The following NOS1 variants were observed in gnomAD, a reference collection of about 807,000 sequenced individuals.
NOS1 encodes the protein NOS type I.
In NOS1, 51 loss-of-function variants were observed where a neutral mutation model predicts 164.5. That is an observed-to-expected ratio of 0.31 (90% CI 0.25 to 0.39). The LOEUF is 0.39. Ranked by LOEUF, NOS1 falls within the 10% of genes least tolerant of loss-of-function variation. The pLI is 1.00. For synonymous variants in NOS1, 719 were observed against 745.8 expected (o/e 0.96, Z 0.59); for missense variants, 1,362 against 1,885.6 (o/e 0.72, Z 5.14).
At chr12:117,258,962 C>T in intron 15 of NOS1, 64 bp downstream of exon 15, 2 of 1,169,172 alleles carry the variant, frequency 1.7e-6, no homozygotes, top group Non-Finnish European at 1.3e-6. Flanking sequence ...AGAGTCTCAA[C>T]CTTGGCCCCT....
intron 3 of NOS1, 27 bp from the exon 4 acceptor site, chr12:117,290,453 T>C: frequency 3.8e-6 from 6 of 1,599,892 alleles, no homozygotes; most frequent in Non-Finnish European, 5.1e-6. Flanking sequence ...AGGTGGAAGA[T>C]GAGGCAGGGC....
At chr12:117,245,724 C>T (rs1870566477) in intron 18 of NOS1, 1 of 152,142 alleles carries the variant, frequency 6.6e-6, no homozygotes, top group Non-Finnish European at 1.5e-5. Context: ...TCATGACCAG[C>T]CTGGGCAACA....
rs559659536 is a variant in NOS1 at position 117,243,581 on chromosome 12, C to CCATT, written c.2824-147_2824-146insAATG. The stretch of plus-strand genomic sequence containing the variant: ...TCCATCCATCCATCCATCCATCCAT[C>CCATT]CATCCATCCAGTAACCCTTCCCTCC... On this transcript the variant is annotated intron_variant, in intron 18 of 28. Coordinates refer to ENST00000317775, the MANE Select transcript of NOS1 (RefSeq NM_000620.5). This position sits in a 1 kb window ranked among gnomAD's most constrained non-coding sequence, Gnocchi z 4.3. 56 of 895,804 alleles carry CCATT rather than the reference C, an allele frequency of 6.3e-5. No individual in the cohort carries two copies. The African/African-American group carries it at 8.5e-4, about 14-fold the overall frequency. 55.5% of individuals were successfully genotyped at this position (895,804 alleles called of 1,614,324 possible). A position where few individuals can be genotyped will look rare whatever the true frequency, so the allele number is the denominator to read the frequency against.
chr12:117,263,844 G>A, intron 13 of NOS1, 45 bp downstream of exon 13: 1 of 1,452,636 alleles, frequency 6.9e-7, no homozygotes, highest in South Asian at 1.1e-5. Flanking sequence ...GGTTCTCTGA[G>A]TTTGTGGGGA....
chr12:117,307,209 C>T (rs567184547), intron 3 of NOS1, among the ~76,000 whole-genome samples: 34 of 141,590 alleles, frequency 2.4e-4, no homozygotes, highest in African/African-American at 7.8e-4. Flanking sequence ...TACTGCAGAC[C>T]GGGAATTACA....
chr12:117,323,282 A>G (rs1383858703), intron 2 of NOS1, among the ~76,000 whole-genome samples: 3 of 152,246 alleles, frequency 2.0e-5, no homozygotes, highest in Non-Finnish European at 2.9e-5. Flanking sequence ...GGTGACCTGC[A>G]TTCGCTACAA....
intron 2 of NOS1, among the ~76,000 whole-genome samples, chr12:117,320,611 G>A (rs1874869208): frequency 6.6e-6 from 1 of 152,178 alleles, no homozygotes; most frequent in African/African-American, 2.4e-5. Context: ...GGGGTGATTT[G>A]TTATGCAGCC....
intron 13 of NOS1, among the ~76,000 whole-genome samples, chr12:117,261,387 AT>A (rs1244753767): frequency 1.3e-5 from 2 of 152,060 alleles, no homozygotes; most frequent in Non-Finnish European, 2.9e-5. Context: ...ATGTGTCAGT[AT>A]TGTTATAGGA....
chr12:117,272,438 T>C lies in NOS1; in HGVS notation c.1786A>G (p.Thr596Ala). Residue 596 changes from threonine (T) to alanine (A), a missense_variant, in exon 10 of 29, where the codon ACA (threonine) becomes GCA (alanine). Coordinates refer to ENST00000317775, the MANE Select transcript of NOS1 (RefSeq NM_000620.5). This position sits in a 1 kb window ranked among gnomAD's most constrained non-coding sequence, Gnocchi z 4.3. ...CAGTAGTCGCGGACACCAATCTCTGTGCCCATGTACCAGCCACTGAAGGGA... is the reference window on the plus strand; with the variant it reads ...CAGTAGTCGCGGACACCAATCTCTGCGCCCATGTACCAGCCACTGAAGGGA... ...ACPFSGWYMG[T>A]EIGVRDYCDN... 6.2e-7 allele frequency: 1 copy of C among 1,614,102 alleles called. No individual in the cohort carries two copies. The highest frequency in any genetic ancestry group is 8.5e-7 in the Non-Finnish European group (1 of 1,180,014).
In NOS1 at chr12:117,234,710, C is replaced by A. The variant is rs771734648; in HGVS notation, c.3090G>T (p.Leu1030=). The A allele has an allele frequency of 2.4e-5, 39 of 1,613,728 alleles. 1 individual carries two copies. Among genetic ancestry groups the A allele is most frequent in the Middle Eastern group, 1.6e-4 (1 of 6,078 alleles). Residue 1030 remains leucine, a synonymous_variant, in exon 21 of 29, where the codon CTG becomes CTT. Coordinates refer to ENST00000317775, the MANE Select transcript of NOS1 (RefSeq NM_000620.5). The surrounding 1 kb of genome is among the most constrained non-coding windows in gnomAD (Gnocchi z 4.3). ...CCAGGTGGTCCCCAGGCTGGTACTG[C>A]AGCTCCTGGCTCCCGTTGGTGTGGA... ...VRLHTNGSQE[L]QYQPGDHLGV...
intron 17 of NOS1, among the ~76,000 whole-genome samples, chr12:117,248,482 T>G (rs1239820694): frequency 6.6e-6 from 1 of 151,860 alleles, no homozygotes. Context: ...TTACTGAGAA[T>G]GATGATTTCC....
At chr12:117,302,822 T>C (rs1873916373) in intron 3 of NOS1, among the ~76,000 whole-genome samples, 1 of 151,738 alleles carries the variant, frequency 6.6e-6, no homozygotes, top group Admixed American at 6.6e-5. Flanking sequence ...CTCAGCTCAA[T>C]GCAACCTCCG....
chr12:117,215,348 C>T, intron 28 of NOS1, 24 bp from the exon 29 acceptor site: 1 of 1,519,702 alleles, frequency 6.6e-7, no homozygotes, highest in Non-Finnish European at 8.8e-7. Context: ...AGTTGGGGGG[C>T]AGTTAGTGCC....
chr12:117,253,449 G>A (rs1871232942), intron 17 of NOS1, among the ~76,000 whole-genome samples, 189 bp downstream of exon 17: 1 of 152,082 alleles, frequency 6.6e-6, no homozygotes, highest in African/African-American at 2.4e-5. Context: ...ATAAAAAATG[G>A]TGCACGGGGA....
intron 20 of NOS1, among the ~76,000 whole-genome samples, chr12:117,242,213 A>G (rs1042961660): frequency 3.9e-5 from 6 of 152,220 alleles, no homozygotes; most frequent in African/African-American, 1.4e-4. Context: ...TGAACCTCCC[A>G]TCAACCCAAA....
chr12:117,344,337 T>C (rs1340836812), intron 1 of NOS1, among the ~76,000 whole-genome samples: 1 of 152,256 alleles, frequency 6.6e-6, no homozygotes, highest in Non-Finnish European at 1.5e-5. Context: ...ACTTATTAGG[T>C]TGAAATATAT....
chr12:117,272,541 G>T lies in NOS1; in HGVS notation c.1683C>A (p.Asp561Glu). 2 of 1,614,036 alleles carry T rather than the reference G, an allele frequency of 1.2e-6. No homozygotes were observed. Among genetic ancestry groups the T allele is most frequent in the Non-Finnish European group, 1.7e-6 (2 of 1,179,978 alleles). ...GGAGGCCGTACCACTTCAGCCCCAG[G>T]TCCTTGAACCACTCAAACCTGCAGG... ...IRHPKFEWFK[D>E]LGLKWYGLPA... is the part of the protein sequence containing the mutation. The change falls in exon 10 of 29, where the codon GAC (aspartate) becomes GAA (glutamate). Residue 561 changes from aspartate to glutamate, a missense_variant. Asp to Glu is a conservative substitution (Grantham distance 45, BLOSUM62 2). Coordinates refer to ENST00000317775, the MANE Select transcript of NOS1 (RefSeq NM_000620.5). This position sits in a 1 kb window ranked among gnomAD's most constrained non-coding sequence, Gnocchi z 4.3.
chr12:117,239,607 A>G (rs1480489315), intron 20 of NOS1, among the ~76,000 whole-genome samples: 2 of 152,242 alleles, frequency 1.3e-5, no homozygotes, highest in East Asian at 3.9e-4. Context: ...GGGATTAGTG[A>G]TATCTTGGTT....
At chr12:117,290,514 C>T in intron 3 of NOS1, 88 bp from the exon 4 acceptor site, 2 of 1,473,296 alleles carry the variant, frequency 1.4e-6, no homozygotes, top group Non-Finnish European at 1.8e-6. Flanking sequence ...AGCCATTGTT[C>T]TTCCTGGGAT....
Sources: gnomAD v4.1 joint callset for allele counts (sites outside exome capture counted in the v4.1 genomes callset) on GRCh38, gnomAD v4.1.1 for gene constraint, Gnocchi (gnomAD v3.1) non-coding constraint, MANE v1.5 for transcripts, NCBI Gene and HGNC (gene_info 2026-07-23, HGNC 2026-07-21) for gene names.